ELMO1: variants seen among roughly 807,000 people sequenced by gnomAD.
ELMO1 encodes engulfment and cell motility 1.
Under a neutral mutation model 98.9 loss-of-function variants are expected in ELMO1, and 26 were observed. The observed-to-expected ratio is 0.26, with a 90% CI of 0.19 to 0.36. ELMO1 has a LOEUF of 0.36. Ranked by LOEUF, ELMO1 falls within the 10% of genes least tolerant of loss-of-function variation. The pLI, the probability that ELMO1 is intolerant of heterozygous loss-of-function variation, is 1.00. For missense variants in ELMO1, 627 were observed against 935.2 expected, an observed-to-expected ratio of 0.67 and a Z score of 4.30; for synonymous variants, 346 against 346.0, an observed-to-expected ratio of 1.00 and a Z score of 0.00.
intron 14 of ELMO1, among the ~76,000 whole-genome samples, chr7:37,104,541 C>A (rs1563003661): frequency 6.6e-6 from 1 of 152,166 alleles, no homozygotes; most frequent in Non-Finnish European, 1.5e-5. Context: ...GTTACTTTCA[C>A]CAGCATGCCC....
chr7:36,967,205 C>T (rs990038811), intron 16 of ELMO1, among the ~76,000 whole-genome samples: 3 of 151,978 alleles, frequency 2.0e-5, no homozygotes, highest in Admixed American at 6.5e-5. Flanking sequence ...CTAGGCCAAT[C>T]GATTTGAAGC....
intron 1 of ELMO1, among the ~76,000 whole-genome samples, chr7:37,348,782 T>G (rs895516491): frequency 2.6e-5 from 4 of 152,188 alleles, no homozygotes; most frequent in South Asian, 2.1e-4. Context: ...CTCTTAAAGA[T>G]CTGTTACATC....
chr7:37,334,147 T>C (rs1800270414), intron 2 of ELMO1, among the ~76,000 whole-genome samples: 1 of 152,210 alleles, frequency 6.6e-6, no homozygotes, highest in Admixed American at 6.5e-5. Flanking sequence ...ACATGTTTCA[T>C]GAGTGATTCT....
At position 37,039,187 on chromosome 7, in the gene ELMO1, A is replaced by C. The variant is rs193009510; in HGVS notation, c.1301-25752T>G. On this transcript the variant is annotated intron_variant, in intron 15 of 21. Transcript: ENST00000310758. ...ACCACATGGATGCAAACAGGCTCAC[A>C]AAATGAATGGTCCTTTACATTATAT... Among the ~76,000 whole-genome samples, 306 of 152,364 alleles carry C rather than the reference A, an allele frequency of 2.0e-3. 1 individual carries two copies. Among genetic ancestry groups the C allele is most frequent in the African/African-American group, 7.1e-3 (294 of 41,594 alleles).
intron 13 of ELMO1, among the ~76,000 whole-genome samples, chr7:37,198,880 G>A (rs1236416947): frequency 6.6e-6 from 1 of 152,224 alleles, no homozygotes; most frequent in Non-Finnish European, 1.5e-5. Flanking sequence ...GGGGGAAGGA[G>A]GAAGATTCTG....
intron 13 of ELMO1, among the ~76,000 whole-genome samples, chr7:37,138,354 G>C (rs1216713818): frequency 6.7e-6 from 1 of 148,992 alleles, no homozygotes; most frequent in East Asian, 1.9e-4. Flanking sequence ...GAAGAGAGAA[G>C]ATCCAAATAA....
intron 16 of ELMO1, chr7:36,919,489 G>A (rs975933347): frequency 2.3e-5 from 11 of 468,920 alleles, no homozygotes; most frequent in Non-Finnish European, 4.6e-5. Context: ...TTTGAAACCT[G>A]GTTCTCTCAC....
intron 16 of ELMO1, among the ~76,000 whole-genome samples, chr7:36,956,281 T>G (rs1788436811): frequency 6.6e-6 from 1 of 152,254 alleles, no homozygotes; most frequent in Admixed American, 6.5e-5. Context: ...CTTCCTTATG[T>G]TATTTATTCT....
chr7:37,213,639 T>C (rs1793112913), intron 11 of ELMO1, among the ~76,000 whole-genome samples, 182 bp from the exon 12 acceptor site: 1 of 152,098 alleles, frequency 6.6e-6, no homozygotes, highest in Non-Finnish European at 1.5e-5. Context: ...AGGTTCCTGA[T>C]CTTCAGGTCA....
chr7:37,018,285 CCTGG>C (rs1271410364), intron 15 of ELMO1, among the ~76,000 whole-genome samples: 3 of 151,838 alleles, frequency 2.0e-5, no homozygotes, highest in African/African-American at 7.3e-5. Context: ...TGCCACCACA[CCTGG>C]CTAATTGTGT....
At chr7:37,103,306 AAAGT>A (rs1784742681) in intron 14 of ELMO1, among the ~76,000 whole-genome samples, 1 of 152,162 alleles carries the variant, frequency 6.6e-6, no homozygotes. Context: ...TTTTTTTGGT[AAAGT>A]AAGGACTTGG....
At chr7:37,306,788 G>A (rs1034547490) in intron 4 of ELMO1, among the ~76,000 whole-genome samples, 1 of 152,048 alleles carries the variant, frequency 6.6e-6, no homozygotes, top group African/African-American at 2.4e-5. Flanking sequence ...AAAAACCATT[G>A]CATTGTACAC....
At chr7:37,062,445 A>G (rs913174702) in intron 15 of ELMO1, among the ~76,000 whole-genome samples, 4 of 152,202 alleles carry the variant, frequency 2.6e-5, no homozygotes, top group African/African-American at 7.2e-5. Flanking sequence ...AAAGGTGGGA[A>G]GTGGTTTAGA....
chr7:36,872,853 G>GT (rs530281615), intron 19 of ELMO1, among the ~76,000 whole-genome samples: 66 of 152,178 alleles, frequency 4.3e-4, no homozygotes, highest in Non-Finnish European at 6.9e-4. Flanking sequence ...CTTGTAGAAA[G>GT]TTTTTTTGTT....
intron 16 of ELMO1, among the ~76,000 whole-genome samples, chr7:37,009,039 C>T (rs955931671): frequency 1.3e-5 from 2 of 152,188 alleles, no homozygotes; most frequent in Non-Finnish European, 2.9e-5. Context: ...GACATATACT[C>T]TAAAGTGTAT....
chr7:37,294,889 A>C (rs1003307386), intron 4 of ELMO1, among the ~76,000 whole-genome samples: 2 of 152,022 alleles, frequency 1.3e-5, no homozygotes, highest in African/African-American at 4.8e-5. Context: ...AACCCCAGCT[A>C]CTTGGGAGGC....
Position 36,855,702 on chromosome 7 carries a change from A to C in ELMO1, c.2033T>G (p.Met678Arg), listed in dbSNP as rs1328783502. 11 of 1,614,018 alleles carry C rather than the reference A, an allele frequency of 6.8e-6. No individual in the cohort carries two copies. The highest frequency in any genetic ancestry group is 9.3e-6 in the Non-Finnish European group (11 of 1,180,012). ...CAGGTCATTCCGCGTCAGGTCGCTC[A>C]TCATGTCCTTCCCGAGTAGCGCATT... ...GLNALLGKDM[M>R]SDLTRNDLDT... is the part of the protein sequence containing the mutation. The change falls in exon 22 of 22, where the codon ATG becomes AGG. Residue 678 changes from methionine to arginine, a missense_variant. By Grantham distance (91) the Met-to-Arg change is moderately conservative. Transcript: ENST00000310758. The surrounding 1 kb of genome is among the most constrained non-coding windows in gnomAD (Gnocchi z 4.2).
rs532873703 is a variant in ELMO1 at position 36,938,238 on chromosome 7, A to G, written c.1438-43221T>C. Among the ~76,000 whole-genome samples, 58 of 152,300 alleles carry G rather than the reference A, an allele frequency of 3.8e-4. 3 individuals are homozygous for G. In the South Asian group the frequency reaches 0.012, roughly 30 times the overall value. Reference sequence around the variant, plus strand: ...GTTGTCATTGTAATTATGTAATTTGATTGCATATTATATACACTGATGAAA... The same window carrying G: ...GTTGTCATTGTAATTATGTAATTTGGTTGCATATTATATACACTGATGAAA... On this transcript the variant is annotated intron_variant, in intron 16 of 21. Transcript: ENST00000310758.
At chr7:36,857,613 T>A (rs1802305981) in intron 21 of ELMO1, among the ~76,000 whole-genome samples, 1 of 152,148 alleles carries the variant, frequency 6.6e-6, no homozygotes, top group Non-Finnish European at 1.5e-5. Flanking sequence ...TGAAAGTACA[T>A]CGACCAATAA....
Sources: allele counts gnomAD v4.1 joint callset (sites outside exome capture counted in the v4.1 genomes callset), GRCh38; gene constraint gnomAD v4.1.1; non-coding constraint Gnocchi (gnomAD v3.1); transcripts MANE v1.5; gene names NCBI Gene and HGNC (gene_info 2026-07-23, HGNC 2026-07-21).